Variants in SH3KBP1 observed in about 807,000 individuals in gnomAD.
SH3KBP1 encodes the protein SH3 domain containing kinase binding protein 1, also known as SH3 domain-containing kinase-binding protein 1.
Under a neutral mutation model 50.1 loss-of-function variants are expected in SH3KBP1, and 8 were observed. The ratio of observed to expected loss-of-function variants is 0.16; its 90% CI spans 0.09 to 0.29. The LOEUF (loss-of-function observed/expected upper bound fraction) is 0.29. Ranked by LOEUF, SH3KBP1 falls within the 10% of genes least tolerant of loss-of-function variation. The pLI, the probability that SH3KBP1 is intolerant of heterozygous loss-of-function variation, is 1.00. For synonymous variants in SH3KBP1, 227 were observed against 218.6 expected, an observed-to-expected ratio of 1.04 and a Z score of -0.34; for missense variants, 377 against 535.2, an observed-to-expected ratio of 0.70 and a Z score of 2.92.
At chrX:19,850,102 G>A (rs2147477911) in intron 1 of SH3KBP1, among the ~76,000 whole-genome samples, 1 of 112,030 alleles carries the variant, frequency 8.9e-6, no homozygotes, top group South Asian at 3.7e-4. Context: ...GGGTTTTAAA[G>A]GCAACAAAAT....
At chrX:19,825,842 C>A (rs1350437951) in intron 2 of SH3KBP1, among the ~76,000 whole-genome samples, 1 of 111,656 alleles carries the variant, frequency 9.0e-6, no homozygotes, top group East Asian at 2.8e-4. Context: ...CCACTGCATT[C>A]CAGCCTGGGT....
In SH3KBP1 at chrX:19,722,569, GGTGTGTGT is replaced by G. The variant is rs55675573; in HGVS notation, c.287-15593_287-15586del. Among the ~76,000 whole-genome samples, 735 of 84,208 alleles carry G rather than the reference GGTGTGTGT, an allele frequency of 8.7e-3. 6 individuals carry two copies. The highest frequency in any genetic ancestry group is 0.017 in the African/African-American group (362 of 21,632). 73.1% of individuals were successfully genotyped at this position (84,208 alleles called of 115,157 possible). A position where few individuals can be genotyped will look rare whatever the true frequency, so the allele number is the denominator to read the frequency against. ...GTGTGTGTGTGTGCGCGTGCGCACTGGTGTGTGTGTGTGTGTGTGTGTGTGTGTGTGTG... is the reference window on the plus strand; with the variant it reads ...GTGTGTGTGTGTGCGCGTGCGCACTGGTGTGTGTGTGTGTGTGTGTGTGTG... On this transcript the variant is annotated intron_variant, in intron 3 of 17. Transcript: ENST00000397821.
At chrX:19,566,532 G>A (rs763010945) in intron 13 of SH3KBP1, among the ~76,000 whole-genome samples, 8 of 111,671 alleles carry the variant, frequency 7.2e-5, no homozygotes, top group African/African-American at 9.8e-5. Context: ...TCCTGAGGTC[G>A]CACATGACCT....
chrX:19,605,707 C>T (rs1463760096), intron 9 of SH3KBP1, among the ~76,000 whole-genome samples: 2 of 111,955 alleles, frequency 1.8e-5, no homozygotes, highest in Middle Eastern at 4.6e-3. Flanking sequence ...AGGACAGTAC[C>T]CATGTGCACG....
At chrX:19,737,333 A>G (rs2064617255) in intron 3 of SH3KBP1, among the ~76,000 whole-genome samples, 2 of 111,464 alleles carry the variant, frequency 1.8e-5, no homozygotes, top group Admixed American at 9.5e-5. Context: ...TTCCCTGGGC[A>G]GAGGCTCCAT....
intron 15 of SH3KBP1, among the ~76,000 whole-genome samples, chrX:19,542,679 A>T (rs1364456385): frequency 1.8e-5 from 2 of 111,881 alleles, no homozygotes; most frequent in Non-Finnish European, 3.8e-5. Context: ...CATCGCAAGC[A>T]GGTGCTGACA....
intron 1 of SH3KBP1, among the ~76,000 whole-genome samples, chrX:19,880,442 T>C (rs1437739976): frequency 8.9e-5 from 10 of 112,977 alleles, no homozygotes; most frequent in Non-Finnish European, 1.9e-4. Context: ...GGAGACTTAA[T>C]ACAAGAGGAA....
At position 19,542,201 on chromosome X, in the gene SH3KBP1, G is replaced by A. The variant is rs748047037; in HGVS notation, c.1624-8C>T. ...TGCTTTGTTGTCAGACACCTGTGAC[G>A]AGGGAAGGCAGGGAGGGTTCAGGGC... On this transcript the variant is annotated splice_polypyrimidine_tract_variant and splice_region_variant and intron_variant, in intron 15 of 17. Coordinates refer to ENST00000397821, the MANE Select transcript of SH3KBP1 (RefSeq NM_031892.3). 4.1e-5 allele frequency: 48 copies of A among 1,164,765 alleles called. No individual in the cohort carries two copies. Among genetic ancestry groups the A allele is most frequent in the South Asian group, 1.2e-4 (6 of 49,595 alleles).
At chrX:19,587,007 G>A (rs1370374887) in intron 12 of SH3KBP1, among the ~76,000 whole-genome samples, 4 of 110,645 alleles carry the variant, frequency 3.6e-5, no homozygotes, top group Non-Finnish European at 3.8e-5. Flanking sequence ...TGAATCACCC[G>A]AGGTCGGGAG....
chrX:19,775,734 G>C (rs959680642), intron 2 of SH3KBP1, among the ~76,000 whole-genome samples: 1 of 111,278 alleles, frequency 9.0e-6, no homozygotes, highest in African/African-American at 3.3e-5. Flanking sequence ...CTTTTTCAGA[G>C]ACTTACCCCT....
intron 8 of SH3KBP1, among the ~76,000 whole-genome samples, chrX:19,611,083 G>A (rs1442328677): frequency 2.7e-5 from 3 of 110,060 alleles, no homozygotes; most frequent in Non-Finnish European, 5.7e-5. Context: ...ATGGGGTTTC[G>A]CCGTGCTGCC....
At chrX:19,632,761 C>T (rs1383119263) in intron 7 of SH3KBP1, among the ~76,000 whole-genome samples, 4 of 112,670 alleles carry the variant, frequency 3.6e-5, no homozygotes, top group African/African-American at 9.7e-5. Flanking sequence ...GCACAAGTTA[C>T]GAAGATAGTG....
Position 19,569,414 on chromosome X carries a change from C to T in SH3KBP1, c.1299-226G>A, listed in dbSNP as rs190783850. ...CTCCAGCACACGTTTTCAAAAATGG[C>T]TATTTTAATAATGACTGTTCGCCCA... On this transcript the variant is annotated intron_variant, in intron 12 of 17. Transcript: ENST00000397821. 1.4e-3 allele frequency among the ~76,000 whole-genome samples: 162 copies of T among 112,253 alleles called. 1 individual carries two copies. Among genetic ancestry groups the T allele is most frequent in the Middle Eastern group, 4.6e-3 (1 of 218 alleles).
intron 5 of SH3KBP1, among the ~76,000 whole-genome samples, chrX:19,687,925 T>C (rs1246183620): frequency 8.9e-6 from 1 of 112,043 alleles, no homozygotes; most frequent in Non-Finnish European, 1.9e-5. Flanking sequence ...CACCCAGAAA[T>C]TGGGGCTTGC....
intron 8 of SH3KBP1, among the ~76,000 whole-genome samples, chrX:19,624,981 C>T (rs2067967800): frequency 8.9e-6 from 1 of 111,953 alleles, no homozygotes; most frequent in Non-Finnish European, 1.9e-5. Context: ...CTAATTTACT[C>T]CTCACCCTTG....
chrX:19,616,829 C>T (rs920284819), intron 8 of SH3KBP1, among the ~76,000 whole-genome samples: 1 of 110,795 alleles, frequency 9.0e-6, no homozygotes, highest in Non-Finnish European at 1.9e-5. Context: ...AGGATAGCAC[C>T]TCGTGTTTTT....
chrX:19,836,850 ATGCTTTTCTTGTGATAGTGAG>A (rs1261715988), intron 1 of SH3KBP1, among the ~76,000 whole-genome samples: 3 of 111,947 alleles, frequency 2.7e-5, no homozygotes, highest in African/African-American at 9.8e-5. Context: ...AGTTACTCTC[ATGCTTTTCTTGTGATAGTGAG>A]TGAGTTCTCA....
At chrX:19,590,998 T>C (rs1029194855) in intron 11 of SH3KBP1, among the ~76,000 whole-genome samples, 3 of 107,401 alleles carry the variant, frequency 2.8e-5, no homozygotes, top group Non-Finnish European at 3.8e-5. Flanking sequence ...ATTCATATAG[T>C]ATATACTCAA....
chrX:19,685,381 A>G (rs753119300), intron 5 of SH3KBP1, among the ~76,000 whole-genome samples: 8 of 112,676 alleles, frequency 7.1e-5, no homozygotes, highest in Non-Finnish European at 1.5e-4. Flanking sequence ...CAAATCCTTA[A>G]AACAATGGTT....
Sources: gnomAD v4.1 joint callset for allele counts (sites outside exome capture counted in the v4.1 genomes callset) on GRCh38, gnomAD v4.1.1 for gene constraint, MANE v1.5 for transcripts, NCBI Gene and HGNC (gene_info 2026-07-23, HGNC 2026-07-21) for gene names.